ASTN2: variants seen among roughly 807,000 people sequenced by gnomAD.
The protein encoded by ASTN2 is astrotactin 2, also known as astrotactin-2.
In ASTN2, 54 loss-of-function variants were observed where a neutral mutation model predicts 139.8. That is an observed-to-expected ratio of 0.39 (90% CI 0.31 to 0.48). The LOEUF (loss-of-function observed/expected upper bound fraction) is 0.48. ASTN2 is among the 20% of genes least tolerant of loss of function. The pLI, the probability that ASTN2 is intolerant of heterozygous loss-of-function variation, is 0.95. For missense variants in ASTN2, 1,565 were observed against 1,725.1 expected (o/e 0.91, Z 1.64); for synonymous variants, 756 against 719.5 (o/e 1.05, Z -0.81).
intron 19 of ASTN2, among the ~76,000 whole-genome samples, chr9:116,531,726 T>C (rs942689915): frequency 3.3e-5 from 5 of 152,188 alleles, no homozygotes; most frequent in Non-Finnish European, 4.4e-5. Context: ...TAGTATTCCA[T>C]GGTGTATATG....
intron 3 of ASTN2, among the ~76,000 whole-genome samples, chr9:117,210,027 A>G (rs1238181466): frequency 1.3e-5 from 2 of 152,160 alleles, no homozygotes; most frequent in African/African-American, 2.4e-5. Context: ...GAAACACAGC[A>G]TACCAAAATC....
intron 2 of ASTN2, among the ~76,000 whole-genome samples, chr9:117,243,611 T>C (rs1833279830): frequency 2.0e-5 from 3 of 152,222 alleles, no homozygotes; most frequent in Admixed American, 6.5e-5. Flanking sequence ...TCAGTGTGAC[T>C]ACTACCATCA....
At chr9:117,009,132 A>C (rs1837441691) in intron 6 of ASTN2, among the ~76,000 whole-genome samples, 1 of 152,140 alleles carries the variant, frequency 6.6e-6, no homozygotes, top group Non-Finnish European at 1.5e-5. Flanking sequence ...CATGGAACTA[A>C]AGGCTAGTGG....
intron 16 of ASTN2, among the ~76,000 whole-genome samples, chr9:116,690,405 A>T (rs1302672681): frequency 6.6e-6 from 1 of 152,170 alleles, no homozygotes; most frequent in Non-Finnish European, 1.5e-5. Flanking sequence ...ATGTTACATT[A>T]TAGTAGTTTT....
chr9:116,956,789 C>T (rs10983433), intron 10 of ASTN2, among the ~76,000 whole-genome samples: 28,118 of 151,690 alleles, frequency 0.19, 3,121 homozygotes, highest in East Asian at 0.3. Context: ...TAGCAATGAG[C>T]AAACAAAAAA....
intron 12 of ASTN2, 152 bp downstream of exon 12, chr9:116,820,465 C>T: frequency 1.0e-6 from 1 of 998,578 alleles, no homozygotes. Flanking sequence ...ATACTTTTGG[C>T]TTTTGGCTCT....
intron 22 of ASTN2, among the ~76,000 whole-genome samples, chr9:116,432,480 A>G (rs2118832844): frequency 6.6e-6 from 1 of 152,334 alleles, no homozygotes; most frequent in South Asian, 2.1e-4. Flanking sequence ...TAACTCCACA[A>G]TTCTCTGTTG....
chr9:117,048,540 G>T (rs929080207), intron 5 of ASTN2, among the ~76,000 whole-genome samples: 1 of 152,184 alleles, frequency 6.6e-6, no homozygotes, highest in African/African-American at 2.4e-5. Context: ...AGCTGACATG[G>T]AATGGGGCTA....
At chr9:117,162,276 C>G (rs556438633) in intron 3 of ASTN2, among the ~76,000 whole-genome samples, 1 of 152,048 alleles carries the variant, frequency 6.6e-6, no homozygotes, top group Admixed American at 6.6e-5. Context: ...AGTGCCTGCT[C>G]TCTTGGCAAG....
chr9:116,443,396 G>A (rs1307105409), intron 20 of ASTN2, among the ~76,000 whole-genome samples: 1 of 152,176 alleles, frequency 6.6e-6, no homozygotes, highest in Non-Finnish European at 1.5e-5. Context: ...CAGGGAGACT[G>A]GGGGTTAATC....
intron 5 of ASTN2, among the ~76,000 whole-genome samples, chr9:117,068,438 A>G (rs1287603763): frequency 2.2e-5 from 2 of 90,902 alleles, no homozygotes; most frequent in African/African-American, 9.0e-5. Context: ...TTTTGCATCA[A>G]TGTTCATCAA....
chr9:117,079,250 G>C (rs151187138), intron 5 of ASTN2, among the ~76,000 whole-genome samples: 2 of 152,142 alleles, frequency 1.3e-5, no homozygotes, highest in African/African-American at 4.8e-5. Context: ...TAGCTTCTTG[G>C]GGGGCTGGGG....
At chr9:117,368,654 T>C (rs1214469420) in intron 1 of ASTN2, among the ~76,000 whole-genome samples, 3 of 152,204 alleles carry the variant, frequency 2.0e-5, no homozygotes, top group Non-Finnish European at 4.4e-5. Flanking sequence ...TTTTTTTCTA[T>C]ACTATTCGTC....
At chr9:116,629,319 G>A (rs752328053) in intron 17 of ASTN2, among the ~76,000 whole-genome samples, 24 of 151,944 alleles carry the variant, frequency 1.6e-4, no homozygotes, top group Non-Finnish European at 3.2e-4. Flanking sequence ...GGGTTTCACT[G>A]TGTTAGCCAG....
chr9:117,241,530 G>A (rs1352964423), intron 2 of ASTN2, among the ~76,000 whole-genome samples: 1 of 152,172 alleles, frequency 6.6e-6, no homozygotes, highest in Non-Finnish European at 1.5e-5. Context: ...CAGATCATCA[G>A]GCATGAGTTG....
intron 10 of ASTN2, among the ~76,000 whole-genome samples, chr9:116,878,009 T>C (rs1269477972): frequency 6.6e-6 from 1 of 152,180 alleles, no homozygotes; most frequent in African/African-American, 2.4e-5. Flanking sequence ...CACAATGGGA[T>C]ACCATCTCAC....
intron 11 of ASTN2, among the ~76,000 whole-genome samples, chr9:116,858,346 T>C (rs1233723216): frequency 3.9e-5 from 6 of 152,218 alleles, no homozygotes; most frequent in Non-Finnish European, 8.8e-5. Flanking sequence ...GGACGCATTG[T>C]GTTTACCAGA....
chr9:116,881,665 G>A (rs556239076), intron 10 of ASTN2, among the ~76,000 whole-genome samples: 3 of 152,294 alleles, frequency 2.0e-5, no homozygotes, highest in Admixed American at 1.3e-4. Flanking sequence ...GCCTTTGCAT[G>A]GTTTTGACAG....
intron 2 of ASTN2, among the ~76,000 whole-genome samples, chr9:117,272,275 C>T (rs552872111): frequency 3.4e-4 from 52 of 152,300 alleles, no homozygotes; most frequent in Admixed American, 7.2e-4. Flanking sequence ...CTTTCAGCCA[C>T]GCTGGAGAGG....
Sources: allele counts gnomAD v4.1 joint callset (sites outside exome capture counted in the v4.1 genomes callset), GRCh38; gene constraint gnomAD v4.1.1; transcripts MANE v1.5; gene names NCBI Gene and HGNC (gene_info 2026-07-23, HGNC 2026-07-21).